LIPA: variants seen among roughly 807,000 people sequenced by gnomAD.
LIPA encodes the protein lipase A, lysosomal acid type.
In LIPA, 26 loss-of-function variants were observed where a neutral mutation model predicts 40.6. That is an observed-to-expected ratio of 0.64 (90% CI 0.47 to 0.89). The LOEUF (loss-of-function observed/expected upper bound fraction) is 0.89. Among genes scored for constraint, LIPA ranks in the 40% least tolerant of loss-of-function variants. The pLI, the probability that LIPA is intolerant of heterozygous loss-of-function variation, is 0.00. For missense variants in LIPA, 455 were observed against 479.6 expected, an observed-to-expected ratio of 0.95 and a Z score of 0.48; for synonymous variants, 188 against 168.4, an observed-to-expected ratio of 1.12 and a Z score of -0.90.
At chr10:89,360,995 C>T (rs888745778) in intron 2 of LIPA, among the ~76,000 whole-genome samples, 10 of 152,118 alleles carry the variant, frequency 6.6e-5, no homozygotes, top group African/African-American at 2.2e-4. Flanking sequence ...ATCTTCCCTC[C>T]GTGTGTGCCT....
At chr10:89,261,853 A>G (rs1485915839) in intron 1 of LIPA, among the ~76,000 whole-genome samples, 1 of 152,196 alleles carries the variant, frequency 6.6e-6, no homozygotes, top group Non-Finnish European at 1.5e-5. Flanking sequence ...GCAATGTGCT[A>G]TTCCTGAGCT....
At chr10:89,353,053 T>TA (rs1446184745) in intron 2 of LIPA, among the ~76,000 whole-genome samples, 2 of 152,102 alleles carry the variant, frequency 1.3e-5, no homozygotes, top group African/African-American at 4.8e-5. Flanking sequence ...CATAAATTGT[T>TA]AGAGTAGGTA....
intron 1 of LIPA, among the ~76,000 whole-genome samples, chr10:89,290,948 G>T (rs1042069474): frequency 2.0e-5 from 3 of 152,330 alleles, no homozygotes; most frequent in Admixed American, 6.5e-5. Context: ...AAGGGTGTAT[G>T]TTACAGTTGG....
chr10:89,292,703 G>C (rs1843381393), intron 1 of LIPA, among the ~76,000 whole-genome samples: 1 of 152,122 alleles, frequency 6.6e-6, no homozygotes, highest in Admixed American at 6.6e-5. Context: ...CTGTCACACA[G>C]GCTGGAGTAC....
At chr10:89,227,739 T>TG (rs752698788) in intron 4 of LIPA, among the ~76,000 whole-genome samples, 11 of 152,154 alleles carry the variant, frequency 7.2e-5, no homozygotes, top group Admixed American at 4.6e-4. Flanking sequence ...ATGAGGTAGG[T>TG]GTTTATTACG....
upstream of LIPA, among the ~76,000 whole-genome samples, chr10:89,253,499 C>T (rs1052475959): frequency 5.3e-5 from 8 of 152,182 alleles, no homozygotes; most frequent in African/African-American, 1.7e-4. Context: ...CCCACCGGGT[C>T]CCTCCCACAA....
intron 2 of LIPA, among the ~76,000 whole-genome samples, chr10:89,390,144 G>A (rs999651705): frequency 6.6e-6 from 1 of 151,772 alleles, no homozygotes; most frequent in Non-Finnish European, 1.5e-5. Context: ...GTGCCACCAC[G>A]CCCGGCTAAT....
At chr10:89,268,989 A>AC (rs1843251729) in intron 1 of LIPA, among the ~76,000 whole-genome samples, 1 of 148,834 alleles carries the variant, frequency 6.7e-6, no homozygotes, top group Admixed American at 6.7e-5. Context: ...CTGTCTCAAA[A>AC]AAAAAAAAGT....
chr10:89,362,748 G>T, intron 2 of LIPA: 1 of 730,716 alleles, frequency 1.4e-6, no homozygotes, highest in Admixed American at 2.5e-5. Context: ...GGAAGGATGG[G>T]CCTTGGCGAA....
intron 2 of LIPA, among the ~76,000 whole-genome samples, chr10:89,410,880 C>A (rs1426061580): frequency 6.6e-6 from 1 of 152,026 alleles, no homozygotes; most frequent in African/African-American, 2.4e-5. Context: ...AGGGAAACAC[C>A]AGCAGAAAGG....
At chr10:89,357,587 A>G (rs1306475518) in intron 2 of LIPA, among the ~76,000 whole-genome samples, 1 of 152,250 alleles carries the variant, frequency 6.6e-6, no homozygotes, top group Non-Finnish European at 1.5e-5. Context: ...CATTTGTGTC[A>G]TAATTCTAAC....
intron 2 of LIPA, among the ~76,000 whole-genome samples, chr10:89,370,629 C>T (rs1844086409): frequency 6.6e-6 from 1 of 152,134 alleles, no homozygotes; most frequent in African/African-American, 2.4e-5. Context: ...TAACTCTTTG[C>T]TGTGAGGGGT....
chr10:89,395,060 C>T (rs902262175), intron 2 of LIPA, among the ~76,000 whole-genome samples: 1 of 152,160 alleles, frequency 6.6e-6, no homozygotes, highest in Non-Finnish European at 1.5e-5. Flanking sequence ...TTCTAGTTCT[C>T]CACCTTTTTC....
chr10:89,409,197 G>A (rs541937945), intron 2 of LIPA, among the ~76,000 whole-genome samples: 3 of 152,130 alleles, frequency 2.0e-5, no homozygotes, highest in Non-Finnish European at 4.4e-5. Context: ...CAAGCCCTGG[G>A]CCCTGAACAA....
chr10:89,366,253 G>A (rs1844056073), intron 2 of LIPA, among the ~76,000 whole-genome samples: 1 of 152,138 alleles, frequency 6.6e-6, no homozygotes, highest in Non-Finnish European at 1.5e-5. Context: ...CTCTCTGTCT[G>A]TTATTGGTGT....
At chr10:89,326,128 A>G (rs748511517) in intron 1 of LIPA, among the ~76,000 whole-genome samples, 1 of 152,242 alleles carries the variant, frequency 6.6e-6, no homozygotes, top group Non-Finnish European at 1.5e-5. Flanking sequence ...TCAAAGAGAT[A>G]TCTGCACTCC....
intron 1 of LIPA, among the ~76,000 whole-genome samples, chr10:89,303,775 G>A (rs920315672): frequency 1.3e-5 from 2 of 152,298 alleles, no homozygotes; most frequent in South Asian, 4.2e-4. Context: ...TGTGTTAAGG[G>A]AATGAGCTCC....
intron 1 of LIPA, among the ~76,000 whole-genome samples, chr10:89,304,019 G>A (rs1843462399): frequency 6.6e-6 from 1 of 152,154 alleles, no homozygotes; most frequent in South Asian, 2.1e-4. Context: ...TCCTCCTGGG[G>A]TCACTACAGT....
At chr10:89,257,882 A>C (rs148439996) in intron 1 of LIPA, among the ~76,000 whole-genome samples, 2 of 152,360 alleles carry the variant, frequency 1.3e-5, no homozygotes, top group African/African-American at 2.4e-5. Context: ...AACAGTTTGC[A>C]TGTGAAGAAA....
Sources: allele counts gnomAD v4.1 joint callset (sites outside exome capture counted in the v4.1 genomes callset), GRCh38; gene constraint gnomAD v4.1.1; transcripts MANE v1.5; gene names NCBI Gene and HGNC (gene_info 2026-07-23, HGNC 2026-07-21).